RGS7: variants seen among roughly 807,000 people sequenced by gnomAD.
RGS7 encodes regulator of G-protein signaling 7.
In RGS7, 27 loss-of-function variants were observed where a neutral mutation model predicts 81.1. The observed-to-expected ratio is 0.33, with a 90% CI of 0.25 to 0.46. RGS7 has a LOEUF of 0.46. Among genes scored for constraint, RGS7 ranks in the 20% least tolerant of loss-of-function variants. The pLI is 1.00. For missense variants in RGS7, 396 were observed against 607.4 expected, an observed-to-expected ratio of 0.65 and a Z score of 3.66; for synonymous variants, 208 against 207.7, an observed-to-expected ratio of 1.00 and a Z score of -0.01.
At chr1:241,097,324 G>A (rs182411202) in intron 3 of RGS7, among the ~76,000 whole-genome samples, 7 of 152,218 alleles carry the variant, frequency 4.6e-5, no homozygotes, top group Admixed American at 3.3e-4. Flanking sequence ...GTGGGCATAA[G>A]AGGGAGTAAC....
chr1:241,186,682 C>T (rs1226277167), intron 2 of RGS7, among the ~76,000 whole-genome samples: 2 of 151,774 alleles, frequency 1.3e-5, no homozygotes, highest in African/African-American at 4.8e-5. Flanking sequence ...CACCACTACA[C>T]CCGGCTAATT....
intron 2 of RGS7, among the ~76,000 whole-genome samples, chr1:241,198,264 C>T (rs75800603): frequency 0.02 from 3,008 of 151,634 alleles, 94 homozygotes; most frequent in African/African-American, 0.069. Context: ...GAAAAATCAA[C>T]GATTAAGCAC....
chr1:241,250,933 G>A (rs2076798037), intron 2 of RGS7, among the ~76,000 whole-genome samples: 1 of 152,098 alleles, frequency 6.6e-6, no homozygotes, highest in Non-Finnish European at 1.5e-5. Flanking sequence ...TAAAAAGTAG[G>A]GACTATGCCT....
chr1:241,249,638 A>C (rs923953417), intron 2 of RGS7, among the ~76,000 whole-genome samples: 6 of 152,152 alleles, frequency 3.9e-5, no homozygotes, highest in African/African-American at 1.4e-4. Flanking sequence ...ATTGCAATGA[A>C]TCTATAGATC....
chr1:240,843,036 G>T (rs924174510), intron 9 of RGS7, among the ~76,000 whole-genome samples: 10 of 151,758 alleles, frequency 6.6e-5, no homozygotes, highest in Non-Finnish European at 1.2e-4. Flanking sequence ...ATGGTGGCGG[G>T]TGCCTTTAAT....
intron 9 of RGS7, among the ~76,000 whole-genome samples, chr1:240,836,127 G>A (rs1226409878): frequency 7.1e-6 from 1 of 139,952 alleles, no homozygotes; most frequent in East Asian, 2.3e-4. Context: ...TACAACAAAT[G>A]TACCGCTCTG....
At chr1:241,351,613 A>T (rs2083257007) in intron 2 of RGS7, among the ~76,000 whole-genome samples, 1 of 152,176 alleles carries the variant, frequency 6.6e-6, no homozygotes, top group African/African-American at 2.4e-5. Flanking sequence ...AGTGCAAATT[A>T]TGTCCTCAAC....
chr1:241,105,157 G>C (rs982272854), intron 2 of RGS7, among the ~76,000 whole-genome samples: 4 of 152,138 alleles, frequency 2.6e-5, no homozygotes, highest in African/African-American at 9.7e-5. Context: ...TTACTTGTTA[G>C]AGGAATTTCT....
chr1:240,932,702 G>A (rs1029202026), intron 5 of RGS7, among the ~76,000 whole-genome samples: 14 of 150,618 alleles, frequency 9.3e-5, no homozygotes, highest in Admixed American at 3.3e-4. Context: ...TAGAGACGGG[G>A]TTTCACCGTG....
chr1:240,940,633 C>G (rs1182993229), intron 4 of RGS7, among the ~76,000 whole-genome samples: 2 of 152,132 alleles, frequency 1.3e-5, no homozygotes, highest in South Asian at 2.1e-4. Context: ...GAAGGGAAAA[C>G]TGAGATGCCC....
chr1:240,949,089 A>G (rs1293952044), intron 4 of RGS7, among the ~76,000 whole-genome samples: 1 of 152,140 alleles, frequency 6.6e-6, no homozygotes, highest in African/African-American at 2.4e-5. Context: ...AAGGTTTCAC[A>G]AAAGGGTAGG....
intron 2 of RGS7, among the ~76,000 whole-genome samples, chr1:241,209,769 T>C (rs2074136599): frequency 6.6e-6 from 1 of 152,086 alleles, no homozygotes; most frequent in Admixed American, 6.6e-5. Flanking sequence ...CCTGGGAGAC[T>C]GAGGCTGCAG....
At chr1:240,935,986 T>C (rs1676565142) in intron 5 of RGS7, among the ~76,000 whole-genome samples, 2 of 152,216 alleles carry the variant, frequency 1.3e-5, no homozygotes, top group South Asian at 2.1e-4. Flanking sequence ...TGAACTCAAG[T>C]GTCAAATATA....
rs1372811386 is a variant in RGS7, at chr1:240,795,304, AAT to A, written c.*6+5335_*6+5336del. ...TTTTCAACAGTGTCTTAAAAAAAAC[AAT>A]ATGTTTCCCGGAAAGTAGCTACAGT... On this transcript the variant is annotated intron_variant, in intron 18 of 18. Coordinates refer to ENST00000440928, the MANE Select transcript of RGS7 (RefSeq NM_001364886.1). Among the ~76,000 whole-genome samples the A allele has an allele frequency of 3.3e-5, 5 of 152,188 alleles. No individual in the cohort carries two copies. In the East Asian group the frequency reaches 9.6e-4, roughly 29 times the overall value.
At chr1:241,154,963 G>T (rs1218970788) in intron 2 of RGS7, among the ~76,000 whole-genome samples, 1 of 152,016 alleles carries the variant, frequency 6.6e-6, no homozygotes, top group Non-Finnish European at 1.5e-5. Context: ...GACTGAAAAA[G>T]AAAATCAAAA....
chr1:241,330,018 C>G (rs894081971), intron 2 of RGS7, among the ~76,000 whole-genome samples: 16 of 152,108 alleles, frequency 1.1e-4, no homozygotes, highest in African/African-American at 3.9e-4. Flanking sequence ...TGGCTCACTG[C>G]AAGCTCTGCC....
intron 2 of RGS7, among the ~76,000 whole-genome samples, chr1:241,147,882 ATTC>A (rs1388849358): frequency 2.2e-5 from 3 of 139,090 alleles, no homozygotes; most frequent in Non-Finnish European, 3.1e-5. Context: ...CCTTCTTTAC[ATTC>A]TTCTCATTAA....
chr1:240,854,381 A>G (rs1660695023), intron 9 of RGS7, among the ~76,000 whole-genome samples: 1 of 152,220 alleles, frequency 6.6e-6, no homozygotes, highest in Admixed American at 6.5e-5. Context: ...TTGAATTCAG[A>G]AAAAAGCGTT....
chr1:241,259,505 T>C (rs951157640), intron 2 of RGS7, among the ~76,000 whole-genome samples: 3 of 150,886 alleles, frequency 2.0e-5, no homozygotes, highest in Non-Finnish European at 4.4e-5. Flanking sequence ...ACAAAATTAG[T>C]CAAGCGTGGT....
Sources: allele counts gnomAD v4.1 joint callset (sites outside exome capture counted in the v4.1 genomes callset), GRCh38; gene constraint gnomAD v4.1.1; transcripts MANE v1.5; gene names NCBI Gene and HGNC (gene_info 2026-07-23, HGNC 2026-07-21).